Variants in PCDHA8 observed in about 807,000 individuals in gnomAD.
PCDHA8 encodes protocadherin alpha 8.
PCDHA8 carries 53 observed loss-of-function variants against 61.8 expected under a neutral mutation model. That is an observed-to-expected ratio of 0.86 (90% CI 0.69 to 1.08). The LOEUF is 1.08. Among genes scored for constraint, PCDHA8 ranks in the 50% least tolerant of loss-of-function variants. The pLI, the probability that PCDHA8 is intolerant of heterozygous loss-of-function variation, is 0.00. For missense variants in PCDHA8, 1,293 were observed against 1,245.0 expected (o/e 1.04, Z -0.58); for synonymous variants, 618 against 556.6 (o/e 1.11, Z -1.55).
rs982709387 is a variant in PCDHA8, at chr5:141,003,306, C to T, written c.2543-6321C>T. ...TGGATTATAGGATTACATGAAGTGG[C>T]CAGCTACTTCCAGAGGGCAGGGTTT... On this transcript the variant is annotated intron_variant, in intron 3 of 3. Coordinates refer to ENST00000531613, the MANE Select transcript of PCDHA8 (RefSeq NM_018911.3). 1.7e-4 allele frequency among the ~76,000 whole-genome samples: 26 copies of T among 152,276 alleles called. No homozygotes were observed. In the East Asian group the frequency reaches 4.1e-3, roughly 24 times the overall value.
In PCDHA8 at chr5:140,850,163, G is replaced by A; in HGVS notation, c.2394+6448G>A. ...ACGTGACGCTGCAGGTGTTCGTGCTGGACGAGAACGACAATGCGCCGGCGC... is the reference window on the plus strand; with the variant it reads ...ACGTGACGCTGCAGGTGTTCGTGCTAGACGAGAACGACAATGCGCCGGCGC... On this transcript the variant is annotated intron_variant, in intron 1 of 3. Coordinates refer to ENST00000531613, the MANE Select transcript of PCDHA8 (RefSeq NM_018911.3). 14 of 1,594,908 alleles carry A rather than the reference G, an allele frequency of 8.8e-6. 2 individuals are homozygous for A. The highest frequency in any genetic ancestry group is 1.2e-5 in the Non-Finnish European group (14 of 1,167,784).
intron 3 of PCDHA8, 87 bp downstream of exon 3, chr5:140,982,650 C>T (rs1299219435): frequency 4.6e-6 from 7 of 1,507,000 alleles, no homozygotes; most frequent in Non-Finnish European, 5.3e-6. Flanking sequence ...ATGTTGATGG[C>T]TCTTTTTCTT....
At chr5:140,855,486 GTC>G (rs2150336982) in intron 1 of PCDHA8, among the ~76,000 whole-genome samples, 1 of 149,948 alleles carries the variant, frequency 6.7e-6, no homozygotes, top group South Asian at 2.1e-4. Context: ...TGACATTAGT[GTC>G]TAAATAAACC....
chr5:140,856,648 T>G (rs2044130273), intron 1 of PCDHA8: 1 of 1,598,174 alleles, frequency 6.3e-7, no homozygotes, highest in African/African-American at 1.3e-5. Flanking sequence ...AGCTGCTGGA[T>G]CGTGAAGAAA....
In PCDHA8 at chr5:140,842,931, C is replaced by T. The variant is rs1778399596; in HGVS notation, c.1610C>T (p.Ala537Val). ...ELELLQFQVS[A>V]RDAGVPPLGS... Reference sequence around the variant, plus strand: ...GAGCTGCTGCAGTTCCAGGTGAGCGCGCGCGACGCGGGCGTGCCGCCTCTG... The same window carrying T: ...GAGCTGCTGCAGTTCCAGGTGAGCGTGCGCGACGCGGGCGTGCCGCCTCTG... Residue 537 changes from alanine (A) to valine (V), a missense_variant, in exon 1 of 4, where the codon GCG becomes GTG. Coordinates refer to ENST00000531613, the MANE Select transcript of PCDHA8 (RefSeq NM_018911.3). The T allele has an allele frequency of 1.9e-6, 3 of 1,594,502 alleles. 1 individual carries two copies. Among genetic ancestry groups the T allele is most frequent in the Non-Finnish European group, 2.6e-6 (3 of 1,165,448 alleles).
chr5:140,868,742 T>A (rs2050624283), intron 1 of PCDHA8: 2 of 208,154 alleles, frequency 9.6e-6, no homozygotes, highest in Non-Finnish European at 9.7e-6. Flanking sequence ...AGAAATACAA[T>A]GCCATTTCCA....
chr5:140,873,624 A>G lies in PCDHA8; in HGVS notation c.2394+29909A>G, dbSNP rs562277902. On this transcript the variant is annotated intron_variant, in intron 1 of 3. Transcript: ENST00000531613. The stretch of plus-strand genomic sequence containing the variant: ...TTCCTATTGGCTTAACAATTTGTTT[A>G]GGTCAAAGAGTATGTGAGAACTACA... Among the ~76,000 whole-genome samples the G allele has an allele frequency of 2.6e-5, 4 of 152,192 alleles. No homozygotes were observed. In the South Asian group the frequency reaches 8.3e-4, roughly 32 times the overall value.
In PCDHA8 at chr5:140,938,797, G is replaced by T. The variant is rs76361474; in HGVS notation, c.2395-40152G>T. On this transcript the variant is annotated intron_variant, in intron 1 of 3. Coordinates refer to ENST00000531613, the MANE Select transcript of PCDHA8 (RefSeq NM_018911.3). Reference sequence around the variant, plus strand: ...TTAGTACCTGAATGATGAAATAATCGGTACCACAAACCCCTGTGACATGAG... The same window carrying T: ...TTAGTACCTGAATGATGAAATAATCTGTACCACAAACCCCTGTGACATGAG... Among the ~76,000 whole-genome samples, 827 of 152,042 alleles carry T rather than the reference G, an allele frequency of 5.4e-3. 3 individuals carry two copies. Among genetic ancestry groups the T allele is most frequent in the African/African-American group, 0.019 (796 of 41,444 alleles).
At chr5:140,868,157 G>C (rs1380314181) in intron 1 of PCDHA8, 1 of 151,956 alleles carries the variant, frequency 6.6e-6, no homozygotes, top group Non-Finnish European at 1.5e-5. Flanking sequence ...GTTACATAAA[G>C]TGCTAAATTT....
At chr5:140,962,817 G>C (rs555403742) in intron 1 of PCDHA8, among the ~76,000 whole-genome samples, 1 of 152,202 alleles carries the variant, frequency 6.6e-6, no homozygotes, top group Non-Finnish European at 1.5e-5. Flanking sequence ...CATCAGAGAT[G>C]ACCATTTGTC....
intron 1 of PCDHA8, among the ~76,000 whole-genome samples, chr5:140,938,510 A>G (rs2092097687): frequency 6.6e-6 from 1 of 151,662 alleles, no homozygotes; most frequent in Non-Finnish European, 1.5e-5. Context: ...TTTATCACAT[A>G]TTTTCTGTTA....
chr5:140,929,480 G>C, intron 1 of PCDHA8: 1 of 1,195,420 alleles, frequency 8.4e-7, no homozygotes, highest in Non-Finnish European at 1.1e-6. Context: ...TGGAAGTATA[G>C]AAGTATTAGA....
At chr5:140,856,360 C>T (rs2043951808) in intron 1 of PCDHA8, 2 of 1,598,438 alleles carry the variant, frequency 1.3e-6, no homozygotes, top group Admixed American at 1.7e-5. Context: ...GCAGCATCCA[C>T]CTGGAGGTGA....
intron 1 of PCDHA8, among the ~76,000 whole-genome samples, chr5:140,889,028 C>T (rs1015343865): frequency 4.0e-5 from 6 of 151,754 alleles, no homozygotes; most frequent in African/African-American, 7.3e-5. Flanking sequence ...CTTGGATAAC[C>T]GTAATTTGAT....
At chr5:140,944,846 G>A (rs269554) in intron 1 of PCDHA8, among the ~76,000 whole-genome samples, 33,882 of 151,952 alleles carry the variant, frequency 0.22, 4,860 homozygotes, top group African/African-American at 0.41. Context: ...TGAGATATTA[G>A]AATCATCCTT....
chr5:140,967,865 C>G, intron 1 of PCDHA8: 1 of 1,614,164 alleles, frequency 6.2e-7, no homozygotes, highest in Non-Finnish European at 8.5e-7. Flanking sequence ...AGAGGTGGTG[C>G]TCACGGACCT....
At chr5:140,849,808 C>T (rs2150450895) in intron 1 of PCDHA8, 6 of 1,598,320 alleles carry the variant, frequency 3.8e-6, no homozygotes, top group South Asian at 1.1e-5. Flanking sequence ...CTGTGGGCCA[C>T]GGCCAGGGTG....
intron 3 of PCDHA8, among the ~76,000 whole-genome samples, chr5:140,994,912 A>G (rs2097655532): frequency 6.6e-6 from 1 of 152,222 alleles, no homozygotes; most frequent in Admixed American, 6.5e-5. Flanking sequence ...GTAGACTGGA[A>G]TCAGATTTTG....
chr5:140,842,589 T>G lies in PCDHA8; in HGVS notation c.1268T>G (p.Leu423Trp). 1 of 1,529,168 alleles carries G rather than the reference T, an allele frequency of 6.5e-7. No individual in the cohort carries two copies. Among genetic ancestry groups the G allele is most frequent in the Non-Finnish European group, 8.9e-7 (1 of 1,123,314 alleles). The allele number at this position is 1,529,168 out of a possible 1,614,324, so 94.7% of individuals were successfully genotyped here. A position where few individuals can be genotyped will look rare whatever the true frequency, so the allele number is the denominator to read the frequency against. The change falls in exon 1 of 4, where the codon TTG becomes TGG. Residue 423 changes from leucine (L) to tryptophan (W), a missense_variant. Coordinates refer to ENST00000531613, the MANE Select transcript of PCDHA8 (RefSeq NM_018911.3). ...LDRERVSAYE[L>W]VVTARDGGSP... ...CGCGAGAGAGTGTCGGCCTATGAGT[T>G]GGTGGTAACCGCGCGGGACGGGGGC...
Sources: gnomAD v4.1 joint callset for allele counts (sites outside exome capture counted in the v4.1 genomes callset) on GRCh38, gnomAD v4.1.1 for gene constraint, MANE v1.5 for transcripts, NCBI Gene and HGNC (gene_info 2026-07-23, HGNC 2026-07-21) for gene names.